CORO2B: variants seen among roughly 807,000 people sequenced by gnomAD.
CORO2B encodes coronin 2B.
Under a neutral mutation model 58.8 loss-of-function variants are expected in CORO2B, and 26 were observed. The ratio of observed to expected loss-of-function variants is 0.44; its 90% confidence interval spans 0.32 to 0.61. The LOEUF (loss-of-function observed/expected upper bound fraction) is 0.61. CORO2B is among the 20% of genes least tolerant of loss of function. CORO2B has a pLI of 0.04. For synonymous variants in CORO2B, 242 were observed against 253.8 expected (o/e 0.95, Z 0.44); for missense variants, 460 against 645.1 (o/e 0.71, Z 3.11).
At chr15:68,624,188 A>G (rs1354072594) in intron 1 of CORO2B, among the ~76,000 whole-genome samples, 7 of 152,140 alleles carry the variant, frequency 4.6e-5, no homozygotes, top group Admixed American at 2.0e-4. Flanking sequence ...TGTAAACTAG[A>G]GGCACCACTC....
the CORO2B span, among the ~76,000 whole-genome samples, chr15:68,562,119 C>G: frequency 1.3e-5 from 2 of 152,172 alleles, no homozygotes; most frequent in African/African-American, 4.8e-5. Flanking sequence ...TCCCATGCCT[C>G]CATGGCGTCT....
At chr15:68,617,237 A>G (rs1289020374) in intron 1 of CORO2B, among the ~76,000 whole-genome samples, 1 of 152,214 alleles carries the variant, frequency 6.6e-6, no homozygotes, top group Non-Finnish European at 1.5e-5. Context: ...ATGGGTGGGA[A>G]GCCAGAGGCA....
At chr15:68,715,552 G>A (rs901296342) in intron 8 of CORO2B, among the ~76,000 whole-genome samples, 12 of 152,228 alleles carry the variant, frequency 7.9e-5, no homozygotes, top group South Asian at 4.1e-4. Flanking sequence ...TGTGCTCTGC[G>A]TCTGCACTCC....
At chr15:68,718,529 C>T (rs1173860254) in intron 8 of CORO2B, among the ~76,000 whole-genome samples, 169 bp from the exon 9 acceptor site, 1 of 152,154 alleles carries the variant, frequency 6.6e-6, no homozygotes, top group East Asian at 1.9e-4. Context: ...CACCCAGAGA[C>T]AGAGACTGAT....
chr15:68,696,047 G>A (rs1186849133), intron 3 of CORO2B, among the ~76,000 whole-genome samples: 2 of 150,838 alleles, frequency 1.3e-5, no homozygotes, highest in Non-Finnish European at 3.0e-5. Flanking sequence ...GACAGCCTGG[G>A]CAACACAGTG....
At chr15:68,664,772 G>A (rs1300414398) in intron 2 of CORO2B, among the ~76,000 whole-genome samples, 1 of 152,136 alleles carries the variant, frequency 6.6e-6, no homozygotes, top group Admixed American at 6.5e-5. Flanking sequence ...TTAAAAATGA[G>A]GTTGAAAATA....
In CORO2B at chr15:68,714,574, C is replaced by G; in HGVS notation, c.781C>G (p.Pro261Ala). ...TCTCCCTCAGGAGGACCTCTCCATGCCCCTGATCGAAGAGGAAATTGATGG... is the reference window on the plus strand; with the variant it reads ...TCTCCCTCAGGAGGACCTCTCCATGGCCCTGATCGAAGAGGAAATTGATGG... ...ALWDQEDLSM[P>A]LIEEEIDGLS... Residue 261 changes from proline to alanine, a missense_variant, in exon 7 of 12, where the codon CCC (proline) becomes GCC (alanine). Around this residue, in one of 2 missense-constraint regions of CORO2B, gnomAD observed 352 missense variants for 543.0 expected, o/e 0.65. Coordinates refer to ENST00000261861, the MANE Select transcript of CORO2B (RefSeq NM_006091.5). The G allele has an allele frequency of 1.2e-6, 2 of 1,613,954 alleles. No homozygotes were observed. The highest frequency in any genetic ancestry group is 1.7e-6 in the Non-Finnish European group (2 of 1,179,834).
At position 68,611,070 on chromosome 15, in the gene CORO2B, C is replaced by T. The variant is rs4777075; in HGVS notation, c.15+31793C>T. On this transcript the variant is annotated intron_variant, in intron 1 of 11. Coordinates refer to ENST00000261861, the MANE Select transcript of CORO2B (RefSeq NM_006091.5). ...AGCTAATCCAACCTCAGTTCATCAA[C>T]ATGAGAAAATGCGCCCCACCACTGA... 3.9e-5 allele frequency among the ~76,000 whole-genome samples: 6 copies of T among 152,206 alleles called. No individual in the cohort carries two copies. The East Asian group carries it at 1.2e-3, about 29-fold the overall frequency.
intron 2 of CORO2B, among the ~76,000 whole-genome samples, chr15:68,657,636 A>C (rs1901857510): frequency 6.6e-6 from 1 of 152,022 alleles, no homozygotes; most frequent in Non-Finnish European, 1.5e-5. Context: ...CACAGTAACG[A>C]CTCTAATTTC....
intron 2 of CORO2B, among the ~76,000 whole-genome samples, chr15:68,657,789 T>G (rs1279465860): frequency 6.6e-6 from 1 of 152,172 alleles, no homozygotes; most frequent in East Asian, 1.9e-4. Flanking sequence ...GAAAGAAATG[T>G]GAGGTTTCAG....
the CORO2B span, among the ~76,000 whole-genome samples, chr15:68,540,672 G>T: frequency 6.6e-6 from 1 of 152,154 alleles, no homozygotes; most frequent in Non-Finnish European, 1.5e-5. Context: ...AAGTACTTAA[G>T]GGTCAATATT....
At chr15:68,630,794 T>C (rs1187015172) in intron 1 of CORO2B, among the ~76,000 whole-genome samples, 1 of 152,200 alleles carries the variant, frequency 6.6e-6, no homozygotes, top group Non-Finnish European at 1.5e-5. Flanking sequence ...CTCATCATTT[T>C]GGCCTTTTGG....
At chr15:68,531,449 A>T in the CORO2B span, among the ~76,000 whole-genome samples, 1 of 151,744 alleles carries the variant, frequency 6.6e-6, no homozygotes, top group Non-Finnish European at 1.5e-5. Context: ...GTGAGCCGAG[A>T]TCATGCCGCT....
intron 2 of CORO2B, among the ~76,000 whole-genome samples, chr15:68,685,738 T>G (rs1412710844): frequency 1.4e-5 from 2 of 145,438 alleles, no homozygotes; most frequent in Non-Finnish European, 3.0e-5. Context: ...TCTCAGATAT[T>G]GGGATTAAAT....
chr15:68,537,135 C>G, the CORO2B span, among the ~76,000 whole-genome samples: 5 of 152,196 alleles, frequency 3.3e-5, no homozygotes, highest in African/African-American at 1.2e-4. Context: ...AAGTTGGTTT[C>G]TGTCATCCTG....
intron 2 of CORO2B, among the ~76,000 whole-genome samples, chr15:68,657,207 C>T (rs55982862): frequency 0.01 from 1,578 of 152,192 alleles, 27 homozygotes; most frequent in African/African-American, 0.036. Context: ...AATAGGATTA[C>T]GCAAGAAGCC....
the CORO2B span, among the ~76,000 whole-genome samples, chr15:68,569,662 C>A: frequency 6.6e-6 from 1 of 152,164 alleles, no homozygotes; most frequent in African/African-American, 2.4e-5. Flanking sequence ...CCAGGGAGAA[C>A]GATTGCTGGA....
chr15:68,663,306 G>A (rs1902074683), intron 2 of CORO2B, among the ~76,000 whole-genome samples: 1 of 152,188 alleles, frequency 6.6e-6, no homozygotes, highest in Non-Finnish European at 1.5e-5. Context: ...TTTGCCTATT[G>A]ATAAGTATTT....
At chr15:68,715,189 C>T (rs749606267) in intron 7 of CORO2B, 26 bp from the exon 8 acceptor site, 1 of 1,607,194 alleles carries the variant, frequency 6.2e-7, no homozygotes, top group South Asian at 1.1e-5. Context: ...TGCCACCTTC[C>T]TCAACTCCAT....
Sources: allele counts gnomAD v4.1 joint callset (sites outside exome capture counted in the v4.1 genomes callset), GRCh38; gene constraint gnomAD v4.1.1; regional missense constraint gnomAD v4.1.1; transcripts MANE v1.5; gene names NCBI Gene and HGNC (gene_info 2026-07-23, HGNC 2026-07-21).